OVCH2: variants seen among roughly 807,000 people sequenced by gnomAD.
The protein encoded by OVCH2 is ovochymase 2, also known as ovochymase-2.
A neutral mutation model predicts 73.7 loss-of-function variants in OVCH2; 88 were observed. The ratio of observed to expected loss-of-function variants is 1.19; its 90% CI spans 1.01 to 1.43. OVCH2 has a LOEUF of 1.43. Among genes scored for constraint, OVCH2 ranks in the 40% most tolerant of loss-of-function variants. OVCH2 has a pLI of 0.00. For synonymous variants in OVCH2, 265 were observed against 234.5 expected (o/e 1.13, Z -1.19); for missense variants, 706 against 674.5 (o/e 1.05, Z -0.52).
intron 14 of OVCH2, 112 bp downstream of exon 14, chr11:7,691,157 T>G: frequency 7.8e-7 from 1 of 1,288,356 alleles, no homozygotes; most frequent in South Asian, 1.4e-5. Context: ...TAGGATGTAA[T>G]TACTGCAGAT....
At chr11:7,690,198 G>A (rs1443506179) in intron 14 of OVCH2, among the ~76,000 whole-genome samples, 185 bp from the exon 15 acceptor site, 1 of 152,214 alleles carries the variant, frequency 6.6e-6, no homozygotes, top group Non-Finnish European at 1.5e-5. Context: ...ATCTGCAGCT[G>A]CTTAATACCT....
downstream of OVCH2, among the ~76,000 whole-genome samples, chr11:7,685,261 C>T (rs78943924): frequency 0.097 from 14,773 of 152,076 alleles, 834 homozygotes; most frequent in Middle Eastern, 0.15. Flanking sequence ...AAAACCACAC[C>T]GCCTATGGGA....
In OVCH2 at chr11:7,695,781, A is replaced by G. The variant is rs576322631; in HGVS notation, c.1142-71T>C. ...AGTTCCCATTCAATGATTTAAGAAG[A>G]ACTGAATTTGCCATGATATTTCAGG... is the stretch of plus-strand genomic sequence containing the variant. On this transcript the variant is annotated intron_variant, in intron 10 of 15. Coordinates refer to ENST00000533663, the MANE Select transcript of OVCH2 (RefSeq NM_198185.7). The G allele has an allele frequency of 4.5e-5, 69 of 1,535,772 alleles. No individual in the cohort carries two copies. In the South Asian group the frequency reaches 8.1e-4, roughly 18 times the overall value.
intron 14 of OVCH2, among the ~76,000 whole-genome samples, chr11:7,690,541 G>A (rs533891429): frequency 6.6e-6 from 1 of 151,946 alleles, no homozygotes; most frequent in Admixed American, 6.6e-5. Flanking sequence ...ACAGTCACTC[G>A]TTCTTTGTGA....
downstream of OVCH2, among the ~76,000 whole-genome samples, chr11:7,688,948 G>A (rs893011655): frequency 1.3e-5 from 2 of 152,162 alleles, no homozygotes; most frequent in South Asian, 2.1e-4. Context: ...TTATTCACTC[G>A]AGATGAGAAT....
chr11:7,692,720 TAAACCTCAGC>T (rs1856244901), intron 12 of OVCH2, among the ~76,000 whole-genome samples: 1 of 152,216 alleles, frequency 6.6e-6, no homozygotes, highest in African/African-American at 2.4e-5. Flanking sequence ...AGCTTAAATG[TAAACCTCAGC>T]AAAATTCTTG....
downstream of OVCH2, among the ~76,000 whole-genome samples, chr11:7,684,487 T>TATAC (rs148272247): frequency 0.026 from 3,790 of 143,484 alleles, 215 homozygotes; most frequent in African/African-American, 0.092. Flanking sequence ...TATATATATA[T>TATAC]ACACACACAT....
Position 7,696,474 on chromosome 11 carries a change from T to A in OVCH2, c.1132A>T (p.Arg378Ter), listed in dbSNP as rs781731184. Residue 378 changes from arginine to a stop codon, truncating the protein, a stop_gained, in exon 10 of 16, where the codon AGA becomes TGA. Transcript: ENST00000533663. LOFTEE classifies it high-confidence loss of function. ...SYLSMYSLED[R>*]PIGKFCGESL... The stretch of plus-strand genomic sequence containing the variant: ...GTGAAAATCCACTCACCAATGGGTC[T>A]GTCTTCTAAAGAATACATTGACAGG... 1 of 1,614,036 alleles carries A rather than the reference T, an allele frequency of 6.2e-7. No individual in the cohort carries two copies. Among genetic ancestry groups the A allele is most frequent in the South Asian group, 1.1e-5 (1 of 91,082 alleles).
intron 8 of OVCH2, among the ~76,000 whole-genome samples, chr11:7,698,377 A>G (rs1856374590): frequency 6.6e-6 from 1 of 152,240 alleles, no homozygotes; most frequent in African/African-American, 2.4e-5. Context: ...AAAGTCACAG[A>G]GTGAATTCAT....
At chr11:7,682,928 C>G in the OVCH2 span, among the ~76,000 whole-genome samples, 7 of 152,170 alleles carry the variant, frequency 4.6e-5, no homozygotes, top group Non-Finnish European at 8.8e-5. Context: ...AGCTTTTACT[C>G]TCACCACTCC....
intron 7 of OVCH2, 77 bp from the exon 8 acceptor site, chr11:7,698,850 GGCGCAC>G: frequency 6.8e-7 from 1 of 1,476,774 alleles, no homozygotes; most frequent in Non-Finnish European, 9.3e-7. Context: ...GCATCTTCTT[GGCGCAC>G]AAGAGATTTT....
intron 3 of OVCH2, 44 bp downstream of exon 3, chr11:7,703,654 G>T: frequency 6.9e-7 from 1 of 1,444,020 alleles, no homozygotes; most frequent in Non-Finnish European, 9.4e-7. Flanking sequence ...CAAGGGAGAA[G>T]AAATGGTGGT....
At chr11:7,693,151 G>A (rs1388024875) in intron 12 of OVCH2, among the ~76,000 whole-genome samples, 1 of 152,184 alleles carries the variant, frequency 6.6e-6, no homozygotes, top group Non-Finnish European at 1.5e-5. Context: ...GAGGGCTGAT[G>A]AAATAGGAAC....
chr11:7,698,249 T>C (rs1410013158), intron 8 of OVCH2, among the ~76,000 whole-genome samples: 4 of 152,206 alleles, frequency 2.6e-5, no homozygotes. Context: ...TTGCTCTTTG[T>C]AGATCTTTCC....
At chr11:7,704,778 G>A (rs1856503400) in intron 1 of OVCH2, 104 bp from the exon 2 acceptor site, 3 of 706,478 alleles carry the variant, frequency 4.2e-6, no homozygotes, top group Admixed American at 5.3e-5. Flanking sequence ...TATGGTGTAT[G>A]GTGCTCAGCA....
intron 8 of OVCH2, 66 bp downstream of exon 8, chr11:7,698,684 C>T: frequency 1.3e-6 from 2 of 1,537,432 alleles, no homozygotes; most frequent in Non-Finnish European, 1.8e-6. Flanking sequence ...ACTTCAGGAA[C>T]TGATATTCAG....
At chr11:7,691,486 C>A (rs1031111258) in intron 13 of OVCH2, 86 bp from the exon 14 acceptor site, 1 of 1,472,318 alleles carries the variant, frequency 6.8e-7, no homozygotes, top group South Asian at 1.4e-5. Context: ...AGAAAATCAT[C>A]CTTCAGGTAA....
At chr11:7,684,754 G>A (rs968786320), downstream of OVCH2, among the ~76,000 whole-genome samples, 7 of 152,094 alleles carry the variant, frequency 4.6e-5, no homozygotes, top group African/African-American at 1.7e-4. Flanking sequence ...TGAACTGGTG[G>A]GATGGAATCA....
chr11:7,678,928 C>T, the OVCH2 span, among the ~76,000 whole-genome samples: 1 of 152,228 alleles, frequency 6.6e-6, no homozygotes, highest in Non-Finnish European at 1.5e-5. Context: ...CATGCACCCT[C>T]TGGATCTAAA....
Sources: gnomAD v4.1 joint callset for allele counts (sites outside exome capture counted in the v4.1 genomes callset) on GRCh38, gnomAD v4.1.1 for gene constraint, MANE v1.5 for transcripts, NCBI Gene and HGNC (gene_info 2026-07-23, HGNC 2026-07-21) for gene names.